RALYL: variants seen among roughly 807,000 people sequenced by gnomAD.
The protein encoded by RALYL is RNA-binding Raly-like protein.
Under a neutral mutation model 35.1 loss-of-function variants are expected in RALYL, and 29 were observed. The ratio of observed to expected loss-of-function variants is 0.83; its 90% CI spans 0.61 to 1.13. The LOEUF (loss-of-function observed/expected upper bound fraction) is 1.13. Ranked by LOEUF, RALYL falls within the 50% of genes most tolerant of loss-of-function variation. The probability of loss-of-function intolerance (pLI) is 0.00; values close to 1 mark genes in which losing one functional copy is unlikely to be tolerated. For synonymous variants in RALYL, 120 were observed against 127.6 expected, an observed-to-expected ratio of 0.94 and a Z score of 0.40; for missense variants, 359 against 360.4, an observed-to-expected ratio of 1.00 and a Z score of 0.03.
intron 1 of RALYL, among the ~76,000 whole-genome samples, chr8:84,277,929 G>T (rs978595025): frequency 3.3e-5 from 5 of 152,208 alleles, no homozygotes; most frequent in Non-Finnish European, 1.5e-5. Flanking sequence ...TTTTCCAGGT[G>T]CACAGTGCAA....
At chr8:84,657,988 G>T (rs1428699963) in intron 2 of RALYL, among the ~76,000 whole-genome samples, 6 of 152,114 alleles carry the variant, frequency 3.9e-5, no homozygotes, top group Non-Finnish European at 2.9e-5. Context: ...GGGATCTCAG[G>T]GAAAGCTTGG....
intron 2 of RALYL, among the ~76,000 whole-genome samples, chr8:84,643,429 C>G (rs1826818445): frequency 6.6e-6 from 1 of 151,978 alleles, no homozygotes; most frequent in African/African-American, 2.4e-5. Context: ...ACCAGAGAAG[C>G]ATTGAAGGCA....
intron 5 of RALYL, among the ~76,000 whole-genome samples, chr8:84,856,416 A>C (rs558967240): frequency 6.6e-6 from 1 of 152,388 alleles, no homozygotes; most frequent in South Asian, 2.1e-4. Flanking sequence ...GATAAAATAC[A>C]GACTGTATTA....
chr8:84,621,195 G>T (rs1431881028), intron 2 of RALYL, among the ~76,000 whole-genome samples: 1 of 152,154 alleles, frequency 6.6e-6, no homozygotes, highest in Non-Finnish European at 1.5e-5. Context: ...CAGCCTTGCT[G>T]CCCCCTTGCA....
chr8:84,236,532 C>A (rs1826595080), intron 1 of RALYL, among the ~76,000 whole-genome samples: 2 of 152,100 alleles, frequency 1.3e-5, no homozygotes, highest in South Asian at 2.1e-4. Flanking sequence ...ATGATCCTGG[C>A]CAAGTCATGC....
intron 1 of RALYL, among the ~76,000 whole-genome samples, chr8:84,319,407 G>C (rs898624131): frequency 6.6e-6 from 1 of 152,070 alleles, no homozygotes; most frequent in Non-Finnish European, 1.5e-5. Context: ...AGTTTTAATA[G>C]ATCTATTTAA....
chr8:84,480,955 C>T (rs897907999), intron 1 of RALYL, among the ~76,000 whole-genome samples: 11 of 152,052 alleles, frequency 7.2e-5, no homozygotes, highest in African/African-American at 2.7e-4. Flanking sequence ...CATATTCCTG[C>T]ATTGTTTTTA....
At chr8:84,849,678 C>T (rs1356347350) in intron 4 of RALYL, among the ~76,000 whole-genome samples, 1 of 151,940 alleles carries the variant, frequency 6.6e-6, no homozygotes, top group Non-Finnish European at 1.5e-5. Context: ...CCTGCCTCAG[C>T]CTCCCGTGTA....
rs79684726 is a variant in RALYL at position 84,585,316 on chromosome 8, A to T, written c.256+55739A>T. The stretch of plus-strand genomic sequence containing the variant: ...ATAAAAGCCCTCTGGGAAAAGTCTA[A>T]TTCAGTGCTGTGTATATTCTTAAGT... On this transcript the variant is annotated intron_variant, in intron 2 of 8. Transcript: ENST00000521268. 9.2e-5 allele frequency among the ~76,000 whole-genome samples: 14 copies of T among 152,212 alleles called. No homozygotes were observed. In the East Asian group the frequency reaches 2.7e-3, roughly 29 times the overall value.
intron 2 of RALYL, among the ~76,000 whole-genome samples, chr8:84,542,519 G>T (rs1413524542): frequency 6.6e-6 from 1 of 151,992 alleles, no homozygotes; most frequent in Non-Finnish European, 1.5e-5. Context: ...GAATCATGGG[G>T]GGCAGTTACC....
At chr8:84,447,699 A>G (rs1358817431) in intron 1 of RALYL, among the ~76,000 whole-genome samples, 2 of 152,060 alleles carry the variant, frequency 1.3e-5, no homozygotes, top group Non-Finnish European at 2.9e-5. Flanking sequence ...GAATGAGGAC[A>G]CTTTGTGGGA....
intron 1 of RALYL, among the ~76,000 whole-genome samples, chr8:84,220,887 T>C (rs1196745310): frequency 6.6e-6 from 1 of 151,988 alleles, no homozygotes; most frequent in Non-Finnish European, 1.5e-5. Context: ...TAATATAAAC[T>C]ATACTATCTT....
chr8:84,282,747 CGTGTGTGT>C (rs5892909), intron 1 of RALYL, among the ~76,000 whole-genome samples: 6,117 of 148,780 alleles, frequency 0.041, 145 homozygotes, highest in East Asian at 0.12. Context: ...TATGTGTATG[CGTGTGTGT>C]GTGTGTGTGT....
chr8:84,738,544 C>A (rs939740332), intron 2 of RALYL, among the ~76,000 whole-genome samples: 4 of 151,972 alleles, frequency 2.6e-5, no homozygotes, highest in African/African-American at 9.7e-5. Context: ...TTATTTTTTA[C>A]TTTTACCTTC....
intron 2 of RALYL, among the ~76,000 whole-genome samples, chr8:84,717,430 T>C (rs1254761866): frequency 6.6e-6 from 1 of 152,128 alleles, no homozygotes; most frequent in East Asian, 1.9e-4. Flanking sequence ...CAGCAATTAA[T>C]CAACAGTTGT....
intron 1 of RALYL, among the ~76,000 whole-genome samples, chr8:84,477,656 T>C (rs2053581420): frequency 6.6e-6 from 1 of 151,382 alleles, no homozygotes; most frequent in Non-Finnish European, 1.5e-5. Flanking sequence ...CATATTCACT[T>C]TCTACAATGG....
At chr8:84,250,368 A>T (rs1829947405) in intron 1 of RALYL, among the ~76,000 whole-genome samples, 2 of 151,804 alleles carry the variant, frequency 1.3e-5, no homozygotes, top group East Asian at 3.9e-4. Flanking sequence ...ATTTTATTTT[A>T]TTTTTATTTT....
intron 2 of RALYL, among the ~76,000 whole-genome samples, chr8:84,690,811 A>G (rs1426079844): frequency 6.6e-6 from 1 of 152,082 alleles, no homozygotes; most frequent in Non-Finnish European, 1.5e-5. Context: ...ATTAAAGAGA[A>G]GAAAGTGGAT....
At chr8:84,576,924 G>A (rs919781510) in intron 2 of RALYL, among the ~76,000 whole-genome samples, 1 of 152,160 alleles carries the variant, frequency 6.6e-6, no homozygotes, top group Admixed American at 6.5e-5. Flanking sequence ...GTTGGTTATT[G>A]ACAGAACTCC....
Sources: allele counts gnomAD v4.1 joint callset (sites outside exome capture counted in the v4.1 genomes callset), GRCh38; gene constraint gnomAD v4.1.1; transcripts MANE v1.5; gene names NCBI Gene and HGNC (gene_info 2026-07-23, HGNC 2026-07-21).